EXOC3L2: variants seen among roughly 807,000 people sequenced by gnomAD.
EXOC3L2 encodes the protein exocyst complex component 3-like protein 2.
In EXOC3L2, 17 loss-of-function variants were observed where a neutral mutation model predicts 44.4. That is an observed-to-expected ratio of 0.38 (90% CI 0.26 to 0.57). The LOEUF (loss-of-function observed/expected upper bound fraction) is 0.57, where lower values mean the gene tolerates loss of function less well. EXOC3L2 is among the 20% of genes least tolerant of loss of function. The probability of loss-of-function intolerance (pLI) is 0.65; values close to 1 mark genes in which losing one functional copy is unlikely to be tolerated. For missense variants in EXOC3L2, 541 were observed against 588.4 expected (o/e 0.92, Z 0.83); for synonymous variants, 256 against 253.7 (o/e 1.01, Z -0.09).
At position 45,225,978 on chromosome 19, in the gene EXOC3L2, C is replaced by T. The variant is rs146638039; in HGVS notation, c.1584-1065G>A. Among the ~76,000 whole-genome samples, 174 of 152,298 alleles carry T rather than the reference C, an allele frequency of 1.1e-3. 1 individual carries two copies. Among genetic ancestry groups the T allele is most frequent in the African/African-American group, 3.9e-3 (164 of 41,576 alleles). On this transcript the variant is annotated intron_variant, in intron 7 of 11. Coordinates refer to ENST00000413988, the MANE Select transcript of EXOC3L2 (RefSeq NM_001382422.1). The stretch of plus-strand genomic sequence containing the variant: ...AATACAAATGGTAGAATAGTATACC[C>T]ACTTCTGCCCTTTCCTTCAACAGCT...
chr19:45,224,901 C>T lies in EXOC3L2; in HGVS notation c.1596G>A (p.Glu532=), dbSNP rs773236763. 6 of 1,554,938 alleles carry T rather than the reference C, an allele frequency of 3.9e-6. No individual in the cohort carries two copies. The Admixed American group carries it at 1.1e-4, about 29-fold the overall frequency. The change falls in exon 8 of 12, where the codon GAG becomes GAA. Residue 532 remains glutamate, a synonymous_variant. Coordinates refer to ENST00000413988, the MANE Select transcript of EXOC3L2 (RefSeq NM_001382422.1). ...CTGGGGGCCCCACCCGGGCCAGGCG[C>T]TCGGCCAGAGCTCTGTGGGGATCAA... ...NCGPPLRALA[E]RLARVGPPES...
chr19:45,231,016 G>A (rs2122980695), intron 4 of EXOC3L2, among the ~76,000 whole-genome samples: 1 of 152,100 alleles, frequency 6.6e-6, no homozygotes, highest in East Asian at 1.9e-4. Flanking sequence ...TTGAACCCAG[G>A]AGTTCGAGGC....
intron 7 of EXOC3L2, among the ~76,000 whole-genome samples, chr19:45,225,440 T>C (rs1473521193): frequency 2.0e-5 from 3 of 151,530 alleles, no homozygotes; most frequent in African/African-American, 7.3e-5. Context: ...AGCTAATTTT[T>C]TGTATTTTTA....
chr19:45,219,413 A>AAAAAAAAAAAAAAAAAAAG (rs1404154051), intron 8 of EXOC3L2, among the ~76,000 whole-genome samples: 1 of 150,672 alleles, frequency 6.6e-6, no homozygotes, highest in African/African-American at 2.4e-5. Flanking sequence ...AAAAAAAAAA[A>AAAAAAAAAAAAAAAAAAAG]AGAGAAAAAG....
chr19:45,215,175 C>T (rs189424543), intron 11 of EXOC3L2, among the ~76,000 whole-genome samples: 68 of 151,984 alleles, frequency 4.5e-4, no homozygotes, highest in Admixed American at 1.4e-3. Flanking sequence ...AACAAAATAC[C>T]CCTTATAAAG....
Position 45,234,623 on chromosome 19 carries a change from G to T in EXOC3L2, c.727C>A (p.Arg243Ser). The T allele has an allele frequency of 3.0e-6, 1 of 335,982 alleles. No homozygotes were observed. Among genetic ancestry groups the T allele is most frequent in the Non-Finnish European group, 5.4e-6 (1 of 185,542 alleles). The allele number at this position is 335,982 out of a possible 1,614,324, so 20.8% of individuals were successfully genotyped here. The stretch of plus-strand genomic sequence containing the variant: ...GGCCCGGGGCCCGCCAGCGTCTCGC[G>T]CACCAGCGCCCACAGCTCGCGCTGC... ...ALQRELWALV[R>S]ETLAGPGPGA... The change falls in exon 3 of 12, where the codon CGC becomes AGC. Residue 243 changes from arginine to serine, a missense_variant. Transcript: ENST00000413988. This position sits in a 1 kb window ranked among gnomAD's most constrained non-coding sequence, Gnocchi z 5.0.
intron 1 of EXOC3L2, among the ~76,000 whole-genome samples, chr19:45,239,832 T>A (rs1417598451): frequency 1.3e-5 from 2 of 152,022 alleles, no homozygotes; most frequent in Non-Finnish European, 2.9e-5. Context: ...GAATATTCTC[T>A]ATCTTAAGTT....
At chr19:45,241,337 G>A (rs549683920) in intron 1 of EXOC3L2, among the ~76,000 whole-genome samples, 73 of 152,224 alleles carry the variant, frequency 4.8e-4, no homozygotes, top group African/African-American at 1.7e-3. Flanking sequence ...AATTAGCTGG[G>A]TGCAGTGGCA....
chr19:45,219,393 CAAAAAAAAAA>C (rs950797638), intron 8 of EXOC3L2, among the ~76,000 whole-genome samples: 4 of 51,546 alleles, frequency 7.8e-5, no homozygotes, highest in African/African-American at 1.4e-4. Flanking sequence ...GGCCCCGTCT[CAAAAAAAAAA>C]AAAAAAAAAA....
chr19:45,216,031 C>T (rs372317590), intron 11 of EXOC3L2, 42 bp downstream of exon 11: 90 of 1,607,134 alleles, frequency 5.6e-5, no homozygotes, highest in Non-Finnish European at 6.2e-5. Flanking sequence ...CAGGAGACCT[C>T]GGCCAGGCAC....
chr19:45,239,668 G>A (rs531294296), intron 1 of EXOC3L2, among the ~76,000 whole-genome samples: 18 of 151,834 alleles, frequency 1.2e-4, no homozygotes, highest in Admixed American at 5.3e-4. Context: ...CTACAGGCGC[G>A]CGCCACCACA....
intron 1 of EXOC3L2, among the ~76,000 whole-genome samples, chr19:45,243,776 C>T (rs1970148653): frequency 6.6e-6 from 1 of 151,988 alleles, no homozygotes; most frequent in South Asian, 2.1e-4. Context: ...ACTACAGGTG[C>T]CCACCACCAC....
intron 10 of EXOC3L2, 98 bp downstream of exon 10, chr19:45,217,430 C>T (rs1969846789): frequency 1.5e-6 from 2 of 1,365,394 alleles, no homozygotes; most frequent in Admixed American, 6.2e-5. Context: ...CTGTCCTGAG[C>T]TCTGCCCCTC....
chr19:45,237,396 G>T (rs776007025), intron 2 of EXOC3L2, among the ~76,000 whole-genome samples: 5 of 152,094 alleles, frequency 3.3e-5, no homozygotes, highest in Non-Finnish European at 7.3e-5. Context: ...AGCTACTCTG[G>T]TGGCTAAGGT....
intron 10 of EXOC3L2, among the ~76,000 whole-genome samples, chr19:45,216,496 T>C (rs1167786355): frequency 2.0e-5 from 3 of 151,946 alleles, no homozygotes; most frequent in Non-Finnish European, 2.9e-5. Context: ...GGAGAATCAC[T>C]TGAAATCGAG....
intron 7 of EXOC3L2, among the ~76,000 whole-genome samples, chr19:45,227,430 C>G (rs571983983): frequency 4.8e-4 from 73 of 152,192 alleles, no homozygotes; most frequent in African/African-American, 1.8e-3. Context: ...CAAAATCTAT[C>G]ATTCTTAGAG....
At chr19:45,223,205 T>C (rs1359188627) in intron 8 of EXOC3L2, among the ~76,000 whole-genome samples, 2 of 152,058 alleles carry the variant, frequency 1.3e-5, no homozygotes, top group Admixed American at 6.6e-5. Context: ...CTGGCCGACA[T>C]GGTGAAACCC....
At chr19:45,215,516 C>A (rs1017094797) in intron 11 of EXOC3L2, among the ~76,000 whole-genome samples, 3 of 151,938 alleles carry the variant, frequency 2.0e-5, no homozygotes, top group African/African-American at 7.3e-5. Context: ...TTATTTAGGT[C>A]TGAAATAAGA....
intron 4 of EXOC3L2, among the ~76,000 whole-genome samples, chr19:45,228,875 TC>T (rs1225165014): frequency 1.3e-5 from 2 of 148,634 alleles, no homozygotes; most frequent in Non-Finnish European, 3.0e-5. Flanking sequence ...ATGGAGACCA[TC>T]CTGGCTAACA....
Sources: allele counts gnomAD v4.1 joint callset (sites outside exome capture counted in the v4.1 genomes callset), GRCh38; gene constraint gnomAD v4.1.1; non-coding constraint Gnocchi (gnomAD v3.1); transcripts MANE v1.5; gene names NCBI Gene and HGNC (gene_info 2026-07-23, HGNC 2026-07-21).